SEMA6D: variants seen among roughly 807,000 people sequenced by gnomAD.
SEMA6D encodes semaphorin-6D.
SEMA6D carries 35 observed loss-of-function variants against 106.6 expected under a neutral mutation model. The observed-to-expected ratio is 0.33, with a 90% CI of 0.25 to 0.44. The LOEUF (loss-of-function observed/expected upper bound fraction) is 0.44. Among genes scored for constraint, SEMA6D ranks in the 20% least tolerant of loss-of-function variants. The pLI is 1.00. For synonymous variants in SEMA6D, 499 were observed against 487.7 expected, an observed-to-expected ratio of 1.02 and a Z score of -0.31; for missense variants, 1,185 against 1,345.9, an observed-to-expected ratio of 0.88 and a Z score of 1.87.
intron 8 of SEMA6D, 77 bp downstream of exon 8, chr15:47,762,396 A>G (rs2082109015): frequency 6.5e-7 from 1 of 1,531,416 alleles, no homozygotes. Flanking sequence ...ACGGCCATCA[A>G]GAGGTTCAGC....
intron 1 of SEMA6D, among the ~76,000 whole-genome samples, chr15:47,200,724 T>A (rs1894667944): frequency 6.6e-6 from 1 of 152,190 alleles, no homozygotes; most frequent in African/African-American, 2.4e-5. Flanking sequence ...GAGTTACAAC[T>A]GCAGGGCAGT....
At chr15:47,367,706 AC>A (rs2039105310) in intron 1 of SEMA6D, among the ~76,000 whole-genome samples, 1 of 145,192 alleles carries the variant, frequency 6.9e-6, no homozygotes, top group Admixed American at 6.7e-5. Flanking sequence ...ACACACACAC[AC>A]ACACACACAC....
At chr15:47,436,203 A>C (rs908126896) in intron 2 of SEMA6D, among the ~76,000 whole-genome samples, 4 of 152,082 alleles carry the variant, frequency 2.6e-5, no homozygotes, top group Non-Finnish European at 5.9e-5. Context: ...CAGACTGGCC[A>C]ACGTGGTGAA....
chr15:47,743,207 TG>T (rs2080921213), intron 1 of SEMA6D, among the ~76,000 whole-genome samples: 1 of 152,242 alleles, frequency 6.6e-6, no homozygotes, highest in Admixed American at 6.5e-5. Flanking sequence ...CATCTGCAGC[TG>T]TAAGGGCAAT....
intron 3 of SEMA6D, among the ~76,000 whole-genome samples, chr15:47,479,838 T>G (rs969368575): frequency 1.1e-4 from 16 of 151,746 alleles, no homozygotes; most frequent in African/African-American, 3.9e-4. Flanking sequence ...CTGCACCATT[T>G]CTTAAATTCA....
intron 3 of SEMA6D, among the ~76,000 whole-genome samples, chr15:47,477,502 C>T (rs2043035198): frequency 6.6e-6 from 1 of 152,128 alleles, no homozygotes; most frequent in South Asian, 2.1e-4. Flanking sequence ...ATGTGAATCA[C>T]AAATTCCAGT....
At chr15:47,503,440 G>T (rs974590354) in intron 3 of SEMA6D, among the ~76,000 whole-genome samples, 2 of 152,138 alleles carry the variant, frequency 1.3e-5, no homozygotes, top group Non-Finnish European at 2.9e-5. Flanking sequence ...GGTGTATTCC[G>T]ACTGATTTGT....
chr15:47,202,038 C>T (rs927722547), intron 1 of SEMA6D, among the ~76,000 whole-genome samples: 16 of 151,904 alleles, frequency 1.1e-4, no homozygotes, highest in African/African-American at 3.9e-4. Flanking sequence ...ATTGCTTGGC[C>T]TCATGTTAAT....
chr15:47,662,626 T>G (rs1298610743), intron 4 of SEMA6D, among the ~76,000 whole-genome samples: 1 of 152,188 alleles, frequency 6.6e-6, no homozygotes, highest in Non-Finnish European at 1.5e-5. Context: ...CGTATACATA[T>G]TTACATCATT....
chr15:47,674,478 TTTGA>T (rs2078202846), intron 4 of SEMA6D, among the ~76,000 whole-genome samples: 1 of 152,220 alleles, frequency 6.6e-6, no homozygotes, highest in African/African-American at 2.4e-5. Context: ...TAAACTATTC[TTTGA>T]TTAAGAGGAT....
intron 1 of SEMA6D, among the ~76,000 whole-genome samples, chr15:47,262,152 A>G (rs2034104524): frequency 6.6e-6 from 1 of 152,190 alleles, no homozygotes; most frequent in Non-Finnish European, 1.5e-5. Flanking sequence ...CTCTACGAGG[A>G]GAACGACAAA....
In SEMA6D at chr15:47,256,186, G is replaced by T. The variant is rs936054609; in HGVS notation, c.-239+71768G>T. Reference sequence around the variant, plus strand: ...ATTGTTTTAGCTATTTTAGGGCTGGGGTCTTACCATATAAATTTTAAAATA... The same window carrying T: ...ATTGTTTTAGCTATTTTAGGGCTGGTGTCTTACCATATAAATTTTAAAATA... On this transcript the variant is annotated intron_variant, in intron 1 of 19. Transcript: ENST00000558014. Among the ~76,000 whole-genome samples the T allele has an allele frequency of 2.0e-5, 3 of 151,718 alleles. No individual in the cohort carries two copies. In the South Asian group the frequency reaches 6.2e-4, roughly 32 times the overall value.
intron 4 of SEMA6D, among the ~76,000 whole-genome samples, chr15:47,632,869 T>C (rs1435753): frequency 0.33 from 50,377 of 151,746 alleles, 8,625 homozygotes; most frequent in East Asian, 0.45. Flanking sequence ...ACTTGAATCT[T>C]TTTAGAATTC....
chr15:47,298,045 A>G (rs1201578903), intron 1 of SEMA6D, among the ~76,000 whole-genome samples: 1 of 152,094 alleles, frequency 6.6e-6, no homozygotes, highest in Admixed American at 6.5e-5. Context: ...TCTAAAGTGT[A>G]ACGTAAGTAA....
At chr15:47,349,083 C>T (rs1457016764) in intron 1 of SEMA6D, among the ~76,000 whole-genome samples, 1 of 151,218 alleles carries the variant, frequency 6.6e-6, no homozygotes, top group Non-Finnish European at 1.5e-5. Flanking sequence ...CTCCCCACCT[C>T]TTCCAGAGCA....
At chr15:47,549,522 G>T (rs115684289) in intron 3 of SEMA6D, among the ~76,000 whole-genome samples, 1 of 152,076 alleles carries the variant, frequency 6.6e-6, no homozygotes, top group Non-Finnish European at 1.5e-5. Flanking sequence ...ATATCTTGGC[G>T]GTATTATTGG....
chr15:47,628,296 T>C (rs1596479019), intron 4 of SEMA6D, among the ~76,000 whole-genome samples: 1 of 151,488 alleles, frequency 6.6e-6, no homozygotes, highest in African/African-American at 2.4e-5. Context: ...CAGGGTTATA[T>C]GTGAGTTGTA....
At chr15:47,316,847 G>A (rs908928073) in intron 1 of SEMA6D, among the ~76,000 whole-genome samples, 1 of 152,062 alleles carries the variant, frequency 6.6e-6, no homozygotes, top group East Asian at 1.9e-4. Context: ...TTGCATTCAT[G>A]TTTATAAGAG....
At chr15:47,251,790 G>T (rs1285451912) in intron 1 of SEMA6D, among the ~76,000 whole-genome samples, 5 of 150,404 alleles carry the variant, frequency 3.3e-5, no homozygotes, top group African/African-American at 1.2e-4. Context: ...GTTTAAATTT[G>T]CATTTCCCTG....
Sources: allele counts gnomAD v4.1 joint callset (sites outside exome capture counted in the v4.1 genomes callset), GRCh38; gene constraint gnomAD v4.1.1; transcripts MANE v1.5; gene names NCBI Gene and HGNC (gene_info 2026-07-23, HGNC 2026-07-21).